ELAPOR1: variants seen among roughly 807,000 people sequenced by gnomAD.
The protein encoded by ELAPOR1 is endosome/lysosome-associated apoptosis and autophagy regulator 1.
A neutral mutation model predicts 119.7 loss-of-function variants in ELAPOR1; 77 were observed. That is an observed-to-expected ratio of 0.64 (90% CI 0.54 to 0.78). The LOEUF (loss-of-function observed/expected upper bound fraction) is 0.78. Ranked by LOEUF, ELAPOR1 falls within the 30% of genes least tolerant of loss-of-function variation. ELAPOR1 has a pLI of 0.00. For synonymous variants in ELAPOR1, 481 were observed against 487.2 expected, an observed-to-expected ratio of 0.99 and a Z score of 0.17; for missense variants, 1,115 against 1,270.4, an observed-to-expected ratio of 0.88 and a Z score of 1.86.
chr1:109,122,643 A>G (rs1255422620), intron 1 of ELAPOR1, among the ~76,000 whole-genome samples: 1 of 151,690 alleles, frequency 6.6e-6, no homozygotes, highest in East Asian at 1.9e-4. Context: ...CATGGGCAAC[A>G]CAGTGGGACT....
At chr1:109,167,386 A>G (rs1250559619) in intron 3 of ELAPOR1, among the ~76,000 whole-genome samples, 3 of 152,160 alleles carry the variant, frequency 2.0e-5, no homozygotes, top group Non-Finnish European at 2.9e-5. Context: ...TTCTCTGTCA[A>G]TGGAGAGGAA....
intron 7 of ELAPOR1, among the ~76,000 whole-genome samples, chr1:109,174,424 A>AAAAAG (rs1652124081): frequency 1.0e-5 from 1 of 100,088 alleles, no homozygotes; most frequent in African/African-American, 4.2e-5. Context: ...AAAAAAAAAA[A>AAAAAG]AAAAAAAAAA....
chr1:109,121,465 T>C (rs674572), intron 1 of ELAPOR1, among the ~76,000 whole-genome samples: 21,878 of 152,160 alleles, frequency 0.14, 2,663 homozygotes, highest in African/African-American at 0.34. Context: ...AGTATCATTG[T>C]TATAAAAGCA....
chr1:109,152,224 G>A (rs1319018337), intron 1 of ELAPOR1, among the ~76,000 whole-genome samples: 8 of 152,164 alleles, frequency 5.3e-5, no homozygotes, highest in Non-Finnish European at 1.0e-4. Context: ...GACTATGAGA[G>A]GAGAAGAGAA....
intron 12 of ELAPOR1, 120 bp from the exon 13 acceptor site, chr1:109,191,606 G>T: frequency 6.9e-7 from 1 of 1,439,474 alleles, no homozygotes; most frequent in East Asian, 2.3e-5. Flanking sequence ...CTGACCAGCA[G>T]GGACTTCACA....
chr1:109,154,050 G>A (rs895605910), intron 1 of ELAPOR1, among the ~76,000 whole-genome samples: 5 of 151,896 alleles, frequency 3.3e-5, no homozygotes, highest in Non-Finnish European at 5.9e-5. Context: ...GGGAGGCCGA[G>A]GCGGGCGGAT....
chr1:109,194,717 G>A, intron 15 of ELAPOR1, 123 bp downstream of exon 15: 1 of 792,496 alleles, frequency 1.3e-6, no homozygotes, highest in Admixed American at 2.7e-5. Context: ...GAGCTTCAAA[G>A]GTTTTTACAT....
chr1:109,191,491 C>T lies in ELAPOR1; in HGVS notation c.1545+20C>T, dbSNP rs201146073. On this transcript the variant is annotated intron_variant, in intron 12 of 21. Coordinates refer to ENST00000369939, the MANE Select transcript of ELAPOR1 (RefSeq NM_020775.5). ...ATGGTGGTACGTTTTCCTTTCTTTG[C>T]CCGCTAGAGGGCCTCCAGGGGAGGG... 19 of 1,601,202 alleles carry T rather than the reference C, an allele frequency of 1.2e-5. No individual in the cohort carries two copies. In the Admixed American group the frequency reaches 3.0e-4, roughly 25 times the overall value.
At chr1:109,153,061 A>C (rs1480142396) in intron 1 of ELAPOR1, among the ~76,000 whole-genome samples, 1 of 151,994 alleles carries the variant, frequency 6.6e-6, no homozygotes, top group Non-Finnish European at 1.5e-5. Context: ...GAGATAGATA[A>C]AGAACGGCAG....
intron 1 of ELAPOR1, among the ~76,000 whole-genome samples, chr1:109,122,171 G>C (rs1277870311): frequency 6.6e-6 from 1 of 150,936 alleles, no homozygotes; most frequent in African/African-American, 2.4e-5. Flanking sequence ...TCGGGTTCAA[G>C]CGATTCCCAT....
chr1:109,184,998 G>A, intron 7 of ELAPOR1, 47 bp from the exon 8 acceptor site: 1 of 1,492,306 alleles, frequency 6.7e-7, no homozygotes, highest in Non-Finnish European at 9.4e-7. Context: ...CAGGAGCTCA[G>A]CTTTCTTATG....
intron 1 of ELAPOR1, among the ~76,000 whole-genome samples, chr1:109,153,315 T>A (rs1650652231): frequency 6.6e-6 from 1 of 152,108 alleles, no homozygotes; most frequent in Admixed American, 6.5e-5. Context: ...TGGGAATTTA[T>A]CTAAAGGAAA....
intron 1 of ELAPOR1, among the ~76,000 whole-genome samples, chr1:109,149,840 GA>G (rs932876570): frequency 7.9e-5 from 12 of 152,342 alleles, no homozygotes; most frequent in Middle Eastern, 3.4e-3. Context: ...GGATCGTTGA[GA>G]GGGGGGAGCC....
intron 1 of ELAPOR1, among the ~76,000 whole-genome samples, chr1:109,156,786 TC>T (rs927781502): frequency 6.6e-6 from 1 of 151,966 alleles, no homozygotes; most frequent in African/African-American, 2.4e-5. Flanking sequence ...AATGTCTTCA[TC>T]CCCCTCATCC....
At chr1:109,126,856 C>T (rs1234172368) in intron 1 of ELAPOR1, among the ~76,000 whole-genome samples, 2 of 152,156 alleles carry the variant, frequency 1.3e-5, no homozygotes, top group African/African-American at 2.4e-5. Context: ...GTGAGGAAGG[C>T]GAAGAGTGCT....
chr1:109,130,335 A>G (rs1649073693), intron 1 of ELAPOR1, among the ~76,000 whole-genome samples: 1 of 152,168 alleles, frequency 6.6e-6, no homozygotes. Flanking sequence ...CAATGAGCAG[A>G]GAAAAATTAT....
At chr1:109,127,210 C>CT (rs1648836204) in intron 1 of ELAPOR1, among the ~76,000 whole-genome samples, 1 of 141,128 alleles carries the variant, frequency 7.1e-6, no homozygotes, top group South Asian at 2.2e-4. Context: ...TCTTTTTTTT[C>CT]TTTTCTTTTT....
At chr1:109,181,018 C>T (rs682288) in intron 7 of ELAPOR1, among the ~76,000 whole-genome samples, 76,182 of 152,062 alleles carry the variant, frequency 0.5, 21,400 homozygotes, top group Non-Finnish European at 0.63. Context: ...TCATAAGTCA[C>T]GTGTATAGTA....
In ELAPOR1 at chr1:109,195,128, CAATAA is replaced by C. The variant is rs993790618; in HGVS notation, c.2121+550_2121+554del. Among the ~76,000 whole-genome samples the C allele has an allele frequency of 4.5e-4, 68 of 151,730 alleles. 1 individual carries two copies. The highest frequency in any genetic ancestry group is 3.7e-3 in the Admixed American group (56 of 15,256). On this transcript the variant is annotated intron_variant, in intron 15 of 21. Transcript: ENST00000369939. Reference sequence around the variant, plus strand: ...TCATCTCAGAAAAATAATAAAAAATCAATAAAATAAAATAAAATAAGGTGTTCTTT... The same window carrying C: ...TCATCTCAGAAAAATAATAAAAAATCAATAAAATAAAATAAGGTGTTCTTT...
Sources: gnomAD v4.1 joint callset for allele counts (sites outside exome capture counted in the v4.1 genomes callset) on GRCh38, gnomAD v4.1.1 for gene constraint, MANE v1.5 for transcripts, NCBI Gene and HGNC (gene_info 2026-07-23, HGNC 2026-07-21) for gene names.